The following LRP1B variants were observed in gnomAD, a reference collection of about 807,000 sequenced individuals.
The protein encoded by LRP1B is LDL receptor related protein 1B, also known as low-density lipoprotein receptor-related protein 1B.
Under a neutral mutation model 556.6 loss-of-function variants are expected in LRP1B, and 217 were observed. That is an observed-to-expected ratio of 0.39 (90% CI 0.35 to 0.44). The LOEUF is 0.44. Among genes scored for constraint, LRP1B ranks in the 20% least tolerant of loss-of-function variants. LRP1B has a pLI of 1.00. For missense variants in LRP1B, 5,053 were observed against 5,620.8 expected, an observed-to-expected ratio of 0.90 and a Z score of 3.23; for synonymous variants, 2,047 against 1,865.8, an observed-to-expected ratio of 1.10 and a Z score of -2.50.
chr2:141,059,132 C>G (rs896621550), intron 8 of LRP1B, 78 bp from the exon 9 acceptor site: 1 of 939,984 alleles, frequency 1.1e-6, no homozygotes, highest in African/African-American at 1.7e-5. Context: ...TTGCTATTTA[C>G]TAGTATGGAA....
intron 3 of LRP1B, among the ~76,000 whole-genome samples, chr2:141,409,134 T>A (rs1573912204): frequency 6.6e-6 from 1 of 152,320 alleles, no homozygotes; most frequent in East Asian, 1.9e-4. Context: ...ATATCTATCA[T>A]TTAAGTGATT....
intron 7 of LRP1B, among the ~76,000 whole-genome samples, chr2:141,112,659 G>A (rs553287947): frequency 3.9e-5 from 6 of 152,204 alleles, no homozygotes; most frequent in East Asian, 1.9e-4. Flanking sequence ...ATTATGGATC[G>A]GTTGATGAAA....
intron 41 of LRP1B, among the ~76,000 whole-genome samples, chr2:140,658,729 C>G (rs1038360160): frequency 6.6e-6 from 1 of 151,976 alleles, no homozygotes; most frequent in Non-Finnish European, 1.5e-5. Context: ...CAAGGTGGAA[C>G]CTTGACCCTT....
chr2:141,032,505 T>C (rs938813247), intron 11 of LRP1B, among the ~76,000 whole-genome samples: 27 of 152,232 alleles, frequency 1.8e-4, no homozygotes, highest in East Asian at 5.8e-4. Context: ...ATATTATCAA[T>C]CTTTCATTCT....
intron 21 of LRP1B, among the ~76,000 whole-genome samples, chr2:140,915,289 G>C (rs1694541269): frequency 6.6e-6 from 1 of 152,020 alleles, no homozygotes. Context: ...TGTGGAGAAA[G>C]AAATAGAAGA....
intron 18 of LRP1B, among the ~76,000 whole-genome samples, chr2:140,963,088 T>A (rs1696086173): frequency 6.6e-6 from 1 of 152,164 alleles, no homozygotes; most frequent in African/African-American, 2.4e-5. Context: ...ATTGGTTACA[T>A]CTTAGGCAAA....
intron 25 of LRP1B, among the ~76,000 whole-genome samples, chr2:140,872,809 G>A (rs1693180949): frequency 6.6e-6 from 1 of 151,546 alleles, no homozygotes; most frequent in Non-Finnish European, 1.5e-5. Context: ...AACTGCCTAG[G>A]GTTGTGAAAC....
intron 63 of LRP1B, among the ~76,000 whole-genome samples, chr2:140,450,181 A>C (rs1369910990): frequency 6.6e-6 from 1 of 152,314 alleles, no homozygotes; most frequent in Admixed American, 6.5e-5. Flanking sequence ...CTTAAAGATA[A>C]GATTTCAGTA....
intron 43 of LRP1B, among the ~76,000 whole-genome samples, chr2:140,584,616 A>G (rs769788667): frequency 6.6e-6 from 1 of 152,112 alleles, no homozygotes; most frequent in Admixed American, 6.5e-5. Flanking sequence ...GGATGAATAC[A>G]CTAGTTGCCC....
chr2:141,122,335 T>A (rs1248665422), intron 7 of LRP1B, among the ~76,000 whole-genome samples: 1 of 150,624 alleles, frequency 6.6e-6, no homozygotes, highest in African/African-American at 2.4e-5. Context: ...TGGGAGAAAA[T>A]TTTTGCAATC....
intron 43 of LRP1B, among the ~76,000 whole-genome samples, chr2:140,595,021 C>G (rs751659325): frequency 6.9e-6 from 1 of 145,408 alleles, no homozygotes; most frequent in Non-Finnish European, 1.5e-5. Flanking sequence ...ACAGTGTACT[C>G]CAAAATATAA....
At chr2:140,894,681 G>A (rs75154867) in intron 23 of LRP1B, among the ~76,000 whole-genome samples, 2,462 of 152,164 alleles carry the variant, frequency 0.016, 35 homozygotes, top group African/African-American at 0.038. Flanking sequence ...GGGCACGGAC[G>A]CTTACACCTG....
intron 73 of LRP1B, 56 bp downstream of exon 73, chr2:140,358,765 A>T (rs2105137367): frequency 6.3e-7 from 1 of 1,578,922 alleles, no homozygotes; most frequent in South Asian, 1.1e-5. Flanking sequence ...TTGTACTCCA[A>T]GTCATCAGAG....
chr2:141,963,545 C>G (rs569701327), intron 1 of LRP1B, among the ~76,000 whole-genome samples: 11 of 151,550 alleles, frequency 7.3e-5, no homozygotes, highest in South Asian at 2.1e-4. Context: ...ATTCAACAAC[C>G]CTTCATGCTA....
At chr2:141,237,527 T>G (rs1683693149) in intron 5 of LRP1B, among the ~76,000 whole-genome samples, 1 of 152,052 alleles carries the variant, frequency 6.6e-6, no homozygotes, top group Non-Finnish European at 1.5e-5. Context: ...ATCTTATCTT[T>G]GGCATTGTAA....
intron 43 of LRP1B, among the ~76,000 whole-genome samples, chr2:140,592,915 G>T (rs893667853): frequency 5.5e-5 from 8 of 145,332 alleles, no homozygotes; most frequent in African/African-American, 2.0e-4. Flanking sequence ...ACTCCAGCCT[G>T]GATGACAAAG....
In LRP1B at chr2:140,334,550, G is replaced by A. The variant is rs2105083546; in HGVS notation, c.12126C>T (p.Tyr4042=). ...GGGAATGATCCCCAACAACAGTCCAGTACATCATCCTGAAGAGAGCGGGTC... is the reference window on the plus strand; with the variant it reads ...GGGAATGATCCCCAACAACAGTCCAATACATCATCCTGAAGAGAGCGGGTC... ...IAVNPKRGMM[Y]WTVVGDHSHI... Residue 4042 remains tyrosine (Y), a synonymous_variant, in exon 79 of 91, where the codon TAC becomes TAT. Coordinates refer to ENST00000389484, the MANE Select transcript of LRP1B (RefSeq NM_018557.3). 1 of 1,582,414 alleles carries A rather than the reference G, an allele frequency of 6.3e-7. No individual in the cohort carries two copies.
chr2:140,417,101 G>T (rs1291321225), intron 66 of LRP1B, among the ~76,000 whole-genome samples: 1 of 152,130 alleles, frequency 6.6e-6, no homozygotes, highest in East Asian at 1.9e-4. Flanking sequence ...TGGAGACAAA[G>T]CACCGTGCAT....
intron 2 of LRP1B, among the ~76,000 whole-genome samples, chr2:141,607,916 C>T (rs1471935960): frequency 6.6e-6 from 1 of 151,898 alleles, no homozygotes; most frequent in African/African-American, 2.4e-5. Context: ...GAATGAGATA[C>T]TGTCTTAAAT....
Sources: gnomAD v4.1 joint callset for allele counts (sites outside exome capture counted in the v4.1 genomes callset) on GRCh38, gnomAD v4.1.1 for gene constraint, MANE v1.5 for transcripts, NCBI Gene and HGNC (gene_info 2026-07-23, HGNC 2026-07-21) for gene names.